KCNB2: variants seen among roughly 807,000 people sequenced by gnomAD.
The protein encoded by KCNB2 is delayed rectifier potassium channel protein.
In KCNB2, 15 loss-of-function variants were observed where a neutral mutation model predicts 61.5. The observed-to-expected ratio is 0.24, with a 90% CI of 0.16 to 0.38. The LOEUF (loss-of-function observed/expected upper bound fraction) is 0.38. KCNB2 is among the 10% of genes least tolerant of loss of function. The pLI is 1.00. For synonymous variants in KCNB2, 457 were observed against 446.0 expected, an observed-to-expected ratio of 1.02 and a Z score of -0.31; for missense variants, 828 against 1,125.2, an observed-to-expected ratio of 0.74 and a Z score of 3.78.
rs891097121 is a variant in KCNB2, at chr8:72,792,555, G to T, written c.580-143380G>T. Reference sequence around the variant, plus strand: ...ACCGTCAGTGGCATTTAAACTGGTTGCATGGTACTTGGGCAGCCTAGGGAA... The same window carrying T: ...ACCGTCAGTGGCATTTAAACTGGTTTCATGGTACTTGGGCAGCCTAGGGAA... On this transcript the variant is annotated intron_variant, in intron 2 of 2. Coordinates refer to ENST00000523207, the MANE Select transcript of KCNB2 (RefSeq NM_004770.3). Among the ~76,000 whole-genome samples, 5 of 152,172 alleles carry T rather than the reference G, an allele frequency of 3.3e-5. No homozygotes were observed. The South Asian group carries it at 8.3e-4, about 25-fold the overall frequency.
At chr8:72,556,575 A>G (rs1251600803) in intron 1 of KCNB2, among the ~76,000 whole-genome samples, 1 of 152,184 alleles carries the variant, frequency 6.6e-6, no homozygotes, top group East Asian at 1.9e-4. Flanking sequence ...TAGAAATAAT[A>G]TCTAATAATG....
intron 2 of KCNB2, among the ~76,000 whole-genome samples, chr8:72,572,379 A>AT (rs1164664878): frequency 2.0e-5 from 3 of 152,048 alleles, no homozygotes; most frequent in African/African-American, 7.2e-5. Flanking sequence ...GCGGAAACAC[A>AT]TTTCTATTCA....
At chr8:72,934,974 C>A (rs1806870818) in intron 2 of KCNB2, among the ~76,000 whole-genome samples, 1 of 152,056 alleles carries the variant, frequency 6.6e-6, no homozygotes, top group Non-Finnish European at 1.5e-5. Context: ...TTCCAGACTG[C>A]AGTTCTGGGT....
At position 72,839,722 on chromosome 8, in the gene KCNB2, T is replaced by C. The variant is rs1187362495; in HGVS notation, c.580-96213T>C. On this transcript the variant is annotated intron_variant, in intron 2 of 2. Transcript: ENST00000523207. Reference sequence around the variant, plus strand: ...CCGCCTCCCGGGTTCACACCATTCTTCTGCCTCAGCCTCCTGAGTAGCTGG... The same window carrying C: ...CCGCCTCCCGGGTTCACACCATTCTCCTGCCTCAGCCTCCTGAGTAGCTGG... Among the ~76,000 whole-genome samples the C allele has an allele frequency of 4.7e-5, 7 of 148,842 alleles. No individual in the cohort carries two copies. In the East Asian group the frequency reaches 1.2e-3, roughly 26 times the overall value.
intron 2 of KCNB2, among the ~76,000 whole-genome samples, chr8:72,622,269 A>C (rs182414179): frequency 6.6e-6 from 1 of 152,334 alleles, no homozygotes; most frequent in East Asian, 1.9e-4. Flanking sequence ...GTGGCGTATA[A>C]GTGATTTCAG....
intron 2 of KCNB2, among the ~76,000 whole-genome samples, chr8:72,806,347 G>A (rs1161373888): frequency 1.5e-5 from 2 of 134,908 alleles, no homozygotes; most frequent in African/African-American, 5.6e-5. Context: ...GACAGAGCGA[G>A]ACTCTAAGAA....
chr8:72,561,691 T>TTTTA lies in KCNB2; in HGVS notation c.-93-5950_-93-5949insTTAT, dbSNP rs1554576093. 1.4e-3 allele frequency among the ~76,000 whole-genome samples: 27 copies of TTTTA among 19,398 alleles called. 1 individual carries two copies. Among genetic ancestry groups the TTTTA allele is most frequent in the Admixed American group, 1.8e-3 (2 of 1,138 alleles). 12.7% of individuals were successfully genotyped at this position (19,398 alleles called of 152,430 possible). ...GCTGAAAATTTCCAGGATCTTACTT[T>TTTTA]TATATATATATATATATATATATAT... On this transcript the variant is annotated intron_variant, in intron 1 of 2. Coordinates refer to ENST00000523207, the MANE Select transcript of KCNB2 (RefSeq NM_004770.3).
intron 2 of KCNB2, among the ~76,000 whole-genome samples, chr8:72,893,915 G>C (rs1049978835): frequency 3.9e-5 from 6 of 152,122 alleles, no homozygotes; most frequent in African/African-American, 1.4e-4. Flanking sequence ...TGTAAATCCA[G>C]TTGTCCATTC....
intron 2 of KCNB2, among the ~76,000 whole-genome samples, chr8:72,678,892 G>A (rs2128988860): frequency 6.6e-6 from 1 of 152,252 alleles, no homozygotes. Context: ...GTAAACCTTT[G>A]TTTGCTTCTC....
At chr8:72,708,128 A>G (rs1172518505) in intron 2 of KCNB2, among the ~76,000 whole-genome samples, 1 of 152,188 alleles carries the variant, frequency 6.6e-6, no homozygotes. Context: ...GCTAACCAAC[A>G]GGATGCTGGA....
intron 2 of KCNB2, among the ~76,000 whole-genome samples, chr8:72,583,948 C>CAAAAAAAAAAAAAA (rs71566823): frequency 1.9e-4 from 19 of 100,762 alleles, no homozygotes; most frequent in African/African-American, 6.2e-4. Context: ...AATAGAATAT[C>CAAAAAAAAAAAAAA]AAAAAAAAAA....
chr8:72,817,293 T>C (rs1425485764), intron 2 of KCNB2, among the ~76,000 whole-genome samples: 1 of 152,088 alleles, frequency 6.6e-6, no homozygotes, highest in Admixed American at 6.6e-5. Context: ...TGTCCCCTTC[T>C]CGCCGTACAC....
chr8:72,838,189 T>G (rs1809816022), intron 2 of KCNB2, among the ~76,000 whole-genome samples: 1 of 152,200 alleles, frequency 6.6e-6, no homozygotes. Flanking sequence ...TAGCTGTATA[T>G]GTGCCATGTT....
intron 2 of KCNB2, among the ~76,000 whole-genome samples, chr8:72,759,217 T>C (rs181886135): frequency 6.0e-4 from 92 of 152,254 alleles, no homozygotes; most frequent in Non-Finnish European, 3.5e-4. Flanking sequence ...TAGAAAAAAA[T>C]TCGTTCTTGG....
intron 2 of KCNB2, among the ~76,000 whole-genome samples, chr8:72,783,707 C>T (rs1311000895): frequency 6.6e-6 from 1 of 152,178 alleles, no homozygotes; most frequent in Non-Finnish European, 1.5e-5. Context: ...ATGTAACCTC[C>T]ATGGGACCAG....
intron 2 of KCNB2, among the ~76,000 whole-genome samples, chr8:72,834,614 A>T (rs1401035158): frequency 6.6e-6 from 1 of 152,162 alleles, no homozygotes; most frequent in African/African-American, 2.4e-5. Flanking sequence ...CTTCCAAGGA[A>T]CTAGAACTTT....
intron 2 of KCNB2, among the ~76,000 whole-genome samples, chr8:72,764,131 A>C (rs540440042): frequency 6.6e-6 from 1 of 152,300 alleles, no homozygotes; most frequent in African/African-American, 2.4e-5. Flanking sequence ...ACTCAGCTAG[A>C]TGCCAATGAC....
chr8:72,668,433 T>C (rs1452616772), intron 2 of KCNB2, among the ~76,000 whole-genome samples: 1 of 152,090 alleles, frequency 6.6e-6, no homozygotes, highest in Non-Finnish European at 1.5e-5. Context: ...TTCCAAGTAT[T>C]TAGAGGTAGT....
Position 72,722,403 on chromosome 8 carries a change from AT to A in KCNB2, c.579+154091del, listed in dbSNP as rs368221314. 2.0e-4 allele frequency among the ~76,000 whole-genome samples: 31 copies of A among 152,238 alleles called. No homozygotes were observed. In the East Asian group the frequency reaches 4.6e-3, roughly 23 times the overall value. On this transcript the variant is annotated intron_variant, in intron 2 of 2. Coordinates refer to ENST00000523207, the MANE Select transcript of KCNB2 (RefSeq NM_004770.3). ...CTGCTGCCTACCTCCCTCTCCCACT[AT>A]CCTCTGAACCAGCCATGGGGCCTTC...
Sources: gnomAD v4.1 joint callset for allele counts (sites outside exome capture counted in the v4.1 genomes callset) on GRCh38, gnomAD v4.1.1 for gene constraint, MANE v1.5 for transcripts, NCBI Gene and HGNC (gene_info 2026-07-23, HGNC 2026-07-21) for gene names.